Variants in KRAS observed in about 807,000 individuals in gnomAD.
The protein encoded by KRAS is GTPase KRas.
A neutral mutation model predicts 21.0 loss-of-function variants in KRAS; 1 was observed. That is an observed-to-expected ratio of 0.05 (90% CI 0.02 to 0.23). The LOEUF is 0.23. KRAS is among the 10% of genes least tolerant of loss of function. The probability of loss-of-function intolerance (pLI) is 1.00; values close to 1 mark genes in which losing one functional copy is unlikely to be tolerated. For synonymous variants in KRAS, 67 were observed against 72.5 expected, an observed-to-expected ratio of 0.92 and a Z score of 0.39; for missense variants, 107 against 221.8, an observed-to-expected ratio of 0.48 and a Z score of 3.29.
chr12:25,237,763 A>T (rs896194710), intron 2 of KRAS, among the ~76,000 whole-genome samples: 2 of 152,246 alleles, frequency 1.3e-5, no homozygotes, highest in African/African-American at 4.8e-5. Context: ...ATCTCTTTAT[A>T]AAATGAAAAG....
At chr12:25,242,166 G>A (rs1297495075) in intron 2 of KRAS, among the ~76,000 whole-genome samples, 1 of 152,114 alleles carries the variant, frequency 6.6e-6, no homozygotes, top group Non-Finnish European at 1.5e-5. Flanking sequence ...TCAAAGAGGG[G>A]CATAATACTT....
chr12:25,221,926 G>A (rs1312552845), intron 4 of KRAS, among the ~76,000 whole-genome samples: 3 of 152,088 alleles, frequency 2.0e-5, no homozygotes, highest in Admixed American at 6.6e-5. Flanking sequence ...CGAGGCAGGT[G>A]GATCACGAGG....
At chr12:25,250,335 G>C (rs1429134328) in intron 1 of KRAS, among the ~76,000 whole-genome samples, 3 of 152,008 alleles carry the variant, frequency 2.0e-5, no homozygotes, top group Admixed American at 6.5e-5. Flanking sequence ...AAGAGGTGCG[G>C]GAGCGGGGAG....
chr12:25,234,146 ATT>A (rs1376628171), intron 2 of KRAS: 2 of 169,730 alleles, frequency 1.2e-5, no homozygotes, highest in Non-Finnish European at 2.6e-5. Context: ...TACAATATAT[ATT>A]AAGAATAATT....
chr12:25,241,912 T>C (rs1464157611), intron 2 of KRAS, among the ~76,000 whole-genome samples: 1 of 152,188 alleles, frequency 6.6e-6, no homozygotes, highest in Non-Finnish European at 1.5e-5. Flanking sequence ...AGCTTACAAA[T>C]TACATAAGGC....
At chr12:25,225,287 T>TATTTTTAC (rs1951376813) in intron 4 of KRAS, 2 of 710 alleles carry the variant, frequency 2.8e-3, no homozygotes, top group Non-Finnish European at 4.8e-3. Context: ...CCCTGTTCTT[T>TATTTTTAC]ATATATATAT....
intron 2 of KRAS, among the ~76,000 whole-genome samples, chr12:25,228,786 C>T (rs997391065): frequency 1.5e-4 from 23 of 152,170 alleles, no homozygotes; most frequent in East Asian, 5.8e-4. Flanking sequence ...ATGGTCTAGG[C>T]GCGGTGGCTC....
Position 25,207,339 on chromosome 12 carries a change from C to T in KRAS, c.*2456G>A, listed in dbSNP as rs886049186. The T allele has an allele frequency of 6.9e-5, 13 of 188,712 alleles. No individual in the cohort carries two copies. Among genetic ancestry groups the T allele is most frequent in the Non-Finnish European group, 1.3e-4 (12 of 89,896 alleles). The allele number at this position is 188,712 out of a possible 1,614,324, so 11.7% of individuals were successfully genotyped here. ...GACCAGCCTGGCCAACAGGGTGAAACCCCGTCTCTCCTAAAAATACAAAAA... is the reference window on the plus strand; with the variant it reads ...GACCAGCCTGGCCAACAGGGTGAAATCCCGTCTCTCCTAAAAATACAAAAA... On this transcript the variant is annotated 3_prime_UTR_variant, in exon 5 of 5. Coordinates refer to ENST00000311936, the MANE Select transcript of KRAS (RefSeq NM_004985.5).
intron 4 of KRAS, among the ~76,000 whole-genome samples, chr12:25,224,937 ATGTT>A (rs1238395463): frequency 6.6e-6 from 1 of 152,152 alleles, no homozygotes; most frequent in African/African-American, 2.4e-5. Context: ...CATTTCCTAT[ATGTT>A]AAACTCTTCA....
At chr12:25,249,583 CTG>C (rs1220270731) in intron 1 of KRAS, among the ~76,000 whole-genome samples, 2 of 3,406 alleles carry the variant, frequency 5.9e-4, no homozygotes, top group East Asian at 0.5. Context: ...CAGAGCGAGA[CTG>C]TGTCTCAAAA....
chr12:25,221,043 A>G (rs1465468183), intron 4 of KRAS, among the ~76,000 whole-genome samples: 2 of 151,560 alleles, frequency 1.3e-5, no homozygotes, highest in South Asian at 4.2e-4. Flanking sequence ...AAAAAAAAAA[A>G]AAAAAGAGTA....
rs2141506058 is a variant in KRAS, at chr12:25,225,689, T to C, written c.375A>G (p.Val125=). The C allele has an allele frequency of 1.9e-6, 3 of 1,613,328 alleles. No homozygotes were observed. Among genetic ancestry groups the C allele is most frequent in the Non-Finnish European group, 2.5e-6 (3 of 1,179,518 alleles). ...GNKCDLPSRT[V]DTKQAQDLAR... is the part of the protein sequence containing the mutation. Reference sequence around the variant, plus strand: ...CTAAGTCCTGAGCCTGTTTTGTGTCTACTGTTCTAGAAGGCAAATCACATT... The same window carrying C: ...CTAAGTCCTGAGCCTGTTTTGTGTCCACTGTTCTAGAAGGCAAATCACATT... The change falls in exon 4 of 5, where the codon GTA becomes GTG. Residue 125 remains valine (V), a synonymous_variant. Coordinates refer to ENST00000311936, the MANE Select transcript of KRAS (RefSeq NM_004985.5).
intron 2 of KRAS, among the ~76,000 whole-genome samples, chr12:25,228,956 G>A (rs370613153): frequency 7.2e-4 from 109 of 152,276 alleles, no homozygotes; most frequent in African/African-American, 2.5e-3. Context: ...CTACTCAGGA[G>A]GCTGAGGCAG....
intron 2 of KRAS, among the ~76,000 whole-genome samples, chr12:25,230,717 A>G (rs1164134721): frequency 6.6e-6 from 1 of 152,230 alleles, no homozygotes; most frequent in Non-Finnish European, 1.5e-5. Flanking sequence ...TTTTTAAAGT[A>G]TGAAAACCTA....
In KRAS at chr12:25,206,929, A is replaced by G. The variant is rs1951144815; in HGVS notation, c.*2866T>C. ...TCCTAAAAGAATCACAGTTATGCCA[A>G]ATAAAAAAACAATATAATCAAGTTT... On this transcript the variant is annotated 3_prime_UTR_variant, in exon 5 of 5. Coordinates refer to ENST00000311936, the MANE Select transcript of KRAS (RefSeq NM_004985.5). The G allele has an allele frequency of 4.9e-6, 1 of 203,994 alleles. No individual in the cohort carries two copies. Among genetic ancestry groups the G allele is most frequent in the South Asian group, 1.9e-4 (1 of 5,284 alleles). The allele number at this position is 203,994 out of a possible 1,614,324, so 12.6% of individuals were successfully genotyped here. A position where few individuals can be genotyped will look rare whatever the true frequency, so the allele number is the denominator to read the frequency against.
At chr12:25,239,710 G>A (rs1008583459) in intron 2 of KRAS, among the ~76,000 whole-genome samples, 2 of 152,132 alleles carry the variant, frequency 1.3e-5, no homozygotes, top group Non-Finnish European at 2.9e-5. Flanking sequence ...TCTAGAAGCA[G>A]TGACACTGCT....
In KRAS at chr12:25,207,060, T is replaced by C. The variant is rs1358153400; in HGVS notation, c.*2735A>G. On this transcript the variant is annotated 3_prime_UTR_variant, in exon 5 of 5. Coordinates refer to ENST00000311936, the MANE Select transcript of KRAS (RefSeq NM_004985.5). ...GAGCTGGCACAGAGACCAAACCCCT[T>C]CTTTGCAAAACTAAAATACGCATCG... 1.4e-5 allele frequency: 3 copies of C among 211,266 alleles called. No homozygotes were observed. The highest frequency in any genetic ancestry group is 2.3e-5 in the African/African-American group (1 of 44,092). 13.1% of individuals were successfully genotyped at this position (211,266 alleles called of 1,614,324 possible).
At chr12:25,235,811 C>T (rs889484999) in intron 2 of KRAS, among the ~76,000 whole-genome samples, 3 of 152,136 alleles carry the variant, frequency 2.0e-5, no homozygotes, top group Non-Finnish European at 4.4e-5. Flanking sequence ...GGACCAGTTT[C>T]GTGGAAGACA....
At chr12:25,215,128 C>G in intron 4 of KRAS, 1 of 222,192 alleles carries the variant, frequency 4.5e-6, no homozygotes, top group Non-Finnish European at 6.9e-6. Context: ...TGCTGATTAT[C>G]TCAAAACTTT....
Sources: allele counts gnomAD v4.1 joint callset (sites outside exome capture counted in the v4.1 genomes callset), GRCh38; gene constraint gnomAD v4.1.1; transcripts MANE v1.5; gene names NCBI Gene and HGNC (gene_info 2026-07-23, HGNC 2026-07-21).